PLEKHG4: variants seen among roughly 807,000 people sequenced by gnomAD.
PLEKHG4 encodes the protein puratrophin-1.
In PLEKHG4, 85 loss-of-function variants were observed where a neutral mutation model predicts 136.9. The ratio of observed to expected loss-of-function variants is 0.62; its 90% CI spans 0.52 to 0.74. PLEKHG4 has a LOEUF of 0.74. Among genes scored for constraint, PLEKHG4 ranks in the 30% least tolerant of loss-of-function variants. The probability of loss-of-function intolerance (pLI) is 0.00; values close to 1 mark genes in which losing one functional copy is unlikely to be tolerated. For missense variants in PLEKHG4, 1,317 were observed against 1,527.8 expected (o/e 0.86, Z 2.30); for synonymous variants, 577 against 646.9 (o/e 0.89, Z 1.64).
chr16:67,283,320 G>A (rs559155655), intron 11 of PLEKHG4, among the ~76,000 whole-genome samples: 7 of 152,244 alleles, frequency 4.6e-5, no homozygotes, highest in South Asian at 2.1e-4. Context: ...GGGGAGTTGC[G>A]GTGGGACAAG....
At chr16:67,281,981 C>A in intron 7 of PLEKHG4, 28 bp from the exon 8 acceptor site, 2 of 1,586,078 alleles carry the variant, frequency 1.3e-6, no homozygotes, top group Non-Finnish European at 1.7e-6. Context: ...CTGCATGCTG[C>A]TCCGGTCATG....
chr16:67,286,724 C>T lies in PLEKHG4; in HGVS notation c.2755-25C>T, dbSNP rs762718991. On this transcript the variant is annotated intron_variant, in intron 16 of 21. Transcript: ENST00000379344. ...GAAGAAGAAGGCAGAAGAGGCTGGC[C>T]ACCCACCAGCCCCCAACTCTGCAGG... The T allele has an allele frequency of 9.9e-6, 16 of 1,608,998 alleles. No individual in the cohort carries two copies. The African/African-American group carries it at 1.6e-4, about 16-fold the overall frequency.
rs375241891 is a variant in PLEKHG4, at chr16:67,284,150, C to T, written c.1510-125C>T. The T allele has an allele frequency of 4.4e-4, 339 of 765,334 alleles. 1 individual carries two copies. Among genetic ancestry groups the T allele is most frequent in the African/African-American group, 2.6e-3 (148 of 57,410 alleles). 47.4% of individuals were successfully genotyped at this position (765,334 alleles called of 1,614,324 possible). On this transcript the variant is annotated intron_variant, in intron 11 of 21. Transcript: ENST00000379344. The surrounding 1 kb of genome is among the most constrained non-coding windows in gnomAD (Gnocchi z 4.4). ...GGATGTGGGTGGGGAGTAGGAGATA[C>T]GGGTAGATGTTCCACCACAGGACAG...
rs139013663 is a variant in PLEKHG4, at chr16:67,286,081, C to T, written c.2443-193C>T. ...CTTCTTCCTTGGGGGCCTGTGGGCA[C>T]ACCCCCTTTGCCCAGTACTGTTCTT... On this transcript the variant is annotated intron_variant, in intron 14 of 21. Coordinates refer to ENST00000379344, the MANE Select transcript of PLEKHG4 (RefSeq NM_001129729.3). Among the ~76,000 whole-genome samples the T allele has an allele frequency of 9.9e-5, 15 of 152,252 alleles. No homozygotes were observed. In the East Asian group the frequency reaches 2.3e-3, roughly 24 times the overall value.
In PLEKHG4 at chr16:67,280,941, C is replaced by A; in HGVS notation, c.655C>A (p.Leu219Ile). ...TCTGTGTGCCCACAGCCCAGCCTGG[C>A]TTCAGTCTGAGTGCAGCAGCCAGGA... The part of the protein sequence containing the change: ...LLLCAHSPAW[L>I]QSECSSQELI... Residue 219 changes from leucine to isoleucine, a missense_variant, in exon 4 of 22, where the codon CTT becomes ATT. Coordinates refer to ENST00000379344, the MANE Select transcript of PLEKHG4 (RefSeq NM_001129729.3). The surrounding 1 kb of genome is among the most constrained non-coding windows in gnomAD (Gnocchi z 4.4). The A allele has an allele frequency of 6.2e-7, 1 of 1,613,406 alleles. No individual in the cohort carries two copies. Among genetic ancestry groups the A allele is most frequent in the Non-Finnish European group, 8.5e-7 (1 of 1,180,026 alleles).
intron 1 of PLEKHG4, 108 bp from the exon 2 acceptor site, chr16:67,279,768 C>T (rs966683087): frequency 1.3e-4 from 56 of 433,284 alleles, no homozygotes; most frequent in Non-Finnish European, 2.1e-4. Flanking sequence ...GCCTGCAGAG[C>T]GTGGCCGTGA....
Sources: gnomAD v4.1 joint callset for allele counts (sites outside exome capture counted in the v4.1 genomes callset) on GRCh38, gnomAD v4.1.1 for gene constraint, Gnocchi (gnomAD v3.1) non-coding constraint, MANE v1.5 for transcripts, NCBI Gene and HGNC (gene_info 2026-07-23, HGNC 2026-07-21) for gene names.